TRIT1: variants seen among roughly 807,000 people sequenced by gnomAD.
The protein encoded by TRIT1 is tRNA isopentenyltransferase 1.
TRIT1 carries 43 observed loss-of-function variants against 51.2 expected under a neutral mutation model. That is an observed-to-expected ratio of 0.84 (90% CI 0.66 to 1.08). The LOEUF is 1.08. Among genes scored for constraint, TRIT1 ranks in the 50% least tolerant of loss-of-function variants. TRIT1 has a pLI of 0.00. For missense variants in TRIT1, 528 were observed against 578.4 expected, an observed-to-expected ratio of 0.91 and a Z score of 0.89; for synonymous variants, 184 against 203.9, an observed-to-expected ratio of 0.90 and a Z score of 0.83.
At chr1:39,857,612 T>C (rs1485006134) in intron 1 of TRIT1, among the ~76,000 whole-genome samples, 195 bp from the exon 2 acceptor site, 1 of 152,164 alleles carries the variant, frequency 6.6e-6, no homozygotes, top group African/African-American at 2.4e-5. Flanking sequence ...AAATACAGCA[T>C]TGGTTTTCTT....
In TRIT1 at chr1:39,839,922, A is replaced by C. The variant is rs1043636986; in HGVS notation, c.*1822T>G. Reference sequence around the variant, plus strand: ...AAAACATACTTAGCAACTTGAACGAAGAATATTTCAGAGAAACTAAAGGTT... The same window carrying C: ...AAAACATACTTAGCAACTTGAACGACGAATATTTCAGAGAAACTAAAGGTT... On this transcript the variant is annotated 3_prime_UTR_variant, in exon 11 of 11. Transcript: ENST00000316891. Among the ~76,000 whole-genome samples the C allele has an allele frequency of 6.6e-6, 1 of 152,232 alleles. No individual in the cohort carries two copies. Among genetic ancestry groups the C allele is most frequent in the Non-Finnish European group, 1.5e-5 (1 of 68,040 alleles).
intron 1 of TRIT1, among the ~76,000 whole-genome samples, chr1:39,867,391 C>T (rs376997675): frequency 2.6e-5 from 4 of 152,170 alleles, no homozygotes; most frequent in African/African-American, 7.2e-5. Flanking sequence ...GTGATCCGCC[C>T]GCCTTGGCTT....
In TRIT1 at chr1:39,841,487, G is replaced by T. The variant is rs969910123; in HGVS notation, c.*257C>A. The T allele has an allele frequency of 2.2e-5, 7 of 324,164 alleles. No individual in the cohort carries two copies. Among genetic ancestry groups the T allele is most frequent in the Admixed American group, 4.8e-5 (1 of 21,036 alleles). The allele number at this position is 324,164 out of a possible 1,614,324, so 20.1% of individuals were successfully genotyped here. A position where few individuals can be genotyped will look rare whatever the true frequency, so the allele number is the denominator to read the frequency against. On this transcript the variant is annotated 3_prime_UTR_variant, in exon 11 of 11. Transcript: ENST00000316891. ...TGCTTTTAATAATAGAACCTTTAAG[G>T]TTCAAAGAAAAAAAAAATGCTTTCC...
At chr1:39,872,362 AAT>A (rs1643906671) in intron 1 of TRIT1, among the ~76,000 whole-genome samples, 1 of 152,196 alleles carries the variant, frequency 6.6e-6, no homozygotes, top group Non-Finnish European at 1.5e-5. Flanking sequence ...TTCATAAAAC[AAT>A]GTTACTACTC....
intron 8 of TRIT1, among the ~76,000 whole-genome samples, chr1:39,845,291 G>A (rs1322591731): frequency 6.6e-6 from 1 of 152,236 alleles, no homozygotes; most frequent in Admixed American, 6.5e-5. Flanking sequence ...GAGACTGAAG[G>A]TAGCAAAGAG....
intron 1 of TRIT1, among the ~76,000 whole-genome samples, chr1:39,871,835 A>G (rs571812010): frequency 6.6e-6 from 1 of 152,282 alleles, no homozygotes; most frequent in Admixed American, 6.5e-5. Flanking sequence ...ATCTGACTCT[A>G]TGCATCTGTC....
At chr1:39,855,313 C>A (rs538211304) in intron 2 of TRIT1, among the ~76,000 whole-genome samples, 54 of 152,156 alleles carry the variant, frequency 3.5e-4, no homozygotes, top group African/African-American at 1.3e-3. Flanking sequence ...AAAGATGTTA[C>A]CAATCAAGGA....
chr1:39,869,449 G>A (rs1003118721), intron 1 of TRIT1, among the ~76,000 whole-genome samples: 7 of 152,186 alleles, frequency 4.6e-5, no homozygotes, highest in Non-Finnish European at 1.0e-4. Flanking sequence ...ATCTTGGCTC[G>A]CTACAACCTC....
chr1:39,869,762 C>T (rs1643777979), intron 1 of TRIT1, among the ~76,000 whole-genome samples: 1 of 152,076 alleles, frequency 6.6e-6, no homozygotes, highest in Admixed American at 6.5e-5. Context: ...ACCGCCACCC[C>T]ATCTGGGAGG....
At chr1:39,853,023 G>T in intron 3 of TRIT1, 147 bp from the exon 4 acceptor site, 1 of 897,158 alleles carries the variant, frequency 1.1e-6, no homozygotes, top group Non-Finnish European at 1.7e-6. Context: ...ATTCCAATAT[G>T]CTGTGGTAAG....
At chr1:39,864,755 G>A (rs1643442662) in intron 1 of TRIT1, among the ~76,000 whole-genome samples, 1 of 152,036 alleles carries the variant, frequency 6.6e-6, no homozygotes, top group African/African-American at 2.4e-5. Context: ...ATCCTTTTGG[G>A]CTGCCTTGCT....
intron 1 of TRIT1, among the ~76,000 whole-genome samples, chr1:39,877,039 A>C (rs1432899357): frequency 2.7e-5 from 4 of 148,604 alleles, no homozygotes; most frequent in African/African-American, 4.9e-5. Flanking sequence ...AAAAAAAAAA[A>C]AAAAACAGGT....
chr1:39,858,983 T>C (rs941975306), intron 1 of TRIT1, among the ~76,000 whole-genome samples: 1 of 152,032 alleles, frequency 6.6e-6, no homozygotes, highest in African/African-American at 2.4e-5. Context: ...CCGGACGCAG[T>C]GGTTCATGCC....
At chr1:39,852,678 G>T (rs1642652638) in intron 4 of TRIT1, 53 bp downstream of exon 4, 1 of 1,584,796 alleles carries the variant, frequency 6.3e-7, no homozygotes, top group South Asian at 1.2e-5. Flanking sequence ...CTGAAGAACT[G>T]ACTGCTCTCT....
rs889563490 is a variant in TRIT1 at position 39,840,358 on chromosome 1, T to C, written c.*1386A>G. Among the ~76,000 whole-genome samples the C allele has an allele frequency of 4.6e-5, 7 of 152,258 alleles. No individual in the cohort carries two copies. The highest frequency in any genetic ancestry group is 1.7e-4 in the African/African-American group (7 of 41,456). On this transcript the variant is annotated 3_prime_UTR_variant, in exon 11 of 11. Coordinates refer to ENST00000316891, the MANE Select transcript of TRIT1 (RefSeq NM_017646.6). ...TTTTTTTACTCTACCTTCTCCTCTA[T>C]GAAGTCTTATATGCATAGGAAACAA...
intron 1 of TRIT1, among the ~76,000 whole-genome samples, chr1:39,874,727 G>A (rs908569336): frequency 1.2e-4 from 18 of 151,460 alleles, no homozygotes; most frequent in African/African-American, 3.9e-4. Context: ...GTGCAATGGC[G>A]TGATCTCGGC....
At chr1:39,856,150 C>A (rs1295389049) in intron 2 of TRIT1, among the ~76,000 whole-genome samples, 2 of 151,966 alleles carry the variant, frequency 1.3e-5, no homozygotes, top group East Asian at 3.9e-4. Context: ...ACCAAAGATA[C>A]AAAAAATTAG....
intron 1 of TRIT1, among the ~76,000 whole-genome samples, chr1:39,882,348 T>C (rs6677742): frequency 0.085 from 12,956 of 152,276 alleles, 1,112 homozygotes; most frequent in East Asian, 0.29. Flanking sequence ...CTGCCCTTCT[T>C]TGCTGAGTAC....
chr1:39,876,544 CTATCTATCTATCTATA>C (rs1644060384), intron 1 of TRIT1, among the ~76,000 whole-genome samples: 1 of 147,732 alleles, frequency 6.8e-6, no homozygotes, highest in Non-Finnish European at 1.5e-5. Flanking sequence ...ATCTATCTAT[CTATCTATCTATCTATA>C]TATATATATG....
Sources: allele counts gnomAD v4.1 joint callset (sites outside exome capture counted in the v4.1 genomes callset), GRCh38; gene constraint gnomAD v4.1.1; transcripts MANE v1.5; gene names NCBI Gene and HGNC (gene_info 2026-07-23, HGNC 2026-07-21).